The following UNC80 variants were observed in gnomAD, a reference collection of about 807,000 sequenced individuals.
UNC80 encodes the protein protein unc-80 homolog.
In UNC80, 164 loss-of-function variants were observed where a neutral mutation model predicts 384.6. The observed-to-expected ratio is 0.43, with a 90% CI of 0.38 to 0.49. The LOEUF (loss-of-function observed/expected upper bound fraction) is 0.49, where lower values mean the gene tolerates loss of function less well. UNC80 is among the 20% of genes least tolerant of loss of function. UNC80 has a pLI of 0.00. For synonymous variants in UNC80, 1,486 were observed against 1,527.8 expected, an observed-to-expected ratio of 0.97 and a Z score of 0.64; for missense variants, 3,330 against 4,143.0, an observed-to-expected ratio of 0.80 and a Z score of 5.39.
chr2:209,922,547 G>A (rs1045683598), intron 35 of UNC80, among the ~76,000 whole-genome samples, 164 bp downstream of exon 35: 1 of 152,014 alleles, frequency 6.6e-6, no homozygotes, highest in African/African-American at 2.4e-5. Flanking sequence ...AAAAAAAATT[G>A]TTGATTTACC....
intron 22 of UNC80, among the ~76,000 whole-genome samples, chr2:209,867,520 C>G (rs973817134): frequency 6.6e-6 from 1 of 152,016 alleles, no homozygotes; most frequent in Admixed American, 6.6e-5. Context: ...TGTTTCTCCC[C>G]CTCTGTCCTA....
Position 209,819,234 on chromosome 2 carries a change from C to T in UNC80, c.1935C>T (p.Val645=). ...TEHIDGTNNF[V]HKNGMLDLSV... ...ATATTGACGGGACCAATAACTTTGTCCACAAGAATGGAATGCTTGATCTTT... is the reference window on the plus strand; with the variant it reads ...ATATTGACGGGACCAATAACTTTGTTCACAAGAATGGAATGCTTGATCTTT... Residue 645 remains valine, a synonymous_variant, in exon 12 of 65, where the codon GTC becomes GTT. Transcript: ENST00000673920. The T allele has an allele frequency of 6.4e-7, 1 of 1,550,980 alleles. No individual in the cohort carries two copies. Among genetic ancestry groups the T allele is most frequent in the Non-Finnish European group, 8.7e-7 (1 of 1,146,596 alleles).
chr2:209,845,535 C>T lies in UNC80; in HGVS notation c.3454+3089C>T, dbSNP rs1334446429. On this transcript the variant is annotated intron_variant, in intron 21 of 64. Coordinates refer to ENST00000673920, the MANE Select transcript of UNC80 (RefSeq NM_001371986.1). ...CTTCGTATATTCTTTGTATTCCATT[C>T]ACAGATTCAAAAGATCTGATATGGA... Among the ~76,000 whole-genome samples the T allele has an allele frequency of 2.0e-5, 3 of 152,210 alleles. No individual in the cohort carries two copies. In the East Asian group the frequency reaches 5.8e-4, roughly 29 times the overall value.
chr2:209,982,912 TAAGAA>T lies in UNC80; in HGVS notation c.9257+596_9257+600del, dbSNP rs1461524617. 3 of 149,072 alleles carry T rather than the reference TAAGAA, an allele frequency of 2.0e-5. No individual in the cohort carries two copies. The East Asian group carries it at 6.0e-4, about 30-fold the overall frequency. 9.2% of individuals were successfully genotyped at this position (149,072 alleles called of 1,614,324 possible). ...AATATTTTGTGTGTTCTCTGTCTCT[TAAGAA>T]TATAAGTAAAAAAAAACTTCCCATG... On this transcript the variant is annotated intron_variant, in intron 60 of 64. Coordinates refer to ENST00000673920, the MANE Select transcript of UNC80 (RefSeq NM_001371986.1).
chr2:209,959,508 G>A lies in UNC80; in HGVS notation c.7606G>A (p.Glu2536Lys), dbSNP rs1559397422. The change falls in exon 51 of 65, where the codon GAG becomes AAG. Residue 2536 changes from glutamate to lysine, a missense_variant. Physicochemically the swap from Glu to Lys is moderately conservative, Grantham distance 56 (BLOSUM62 1). Around this residue, in one of 8 missense-constraint regions of UNC80, gnomAD observed 1,049 missense variants for 1,488.6 expected, o/e 0.70. Coordinates refer to ENST00000673920, the MANE Select transcript of UNC80 (RefSeq NM_001371986.1). The part of the protein sequence containing the change: ...HFIRENLHLL[E>K]EGQGIPREEL... ...TCCCAGGGAAAACCTTCATTTACTG[G>A]AGGAAGGGCAAGGCATTCCCAGAGA... is the stretch of plus-strand genomic sequence containing the variant. 6.4e-7 allele frequency: 1 copy of A among 1,551,654 alleles called. No individual in the cohort carries two copies. The highest frequency in any genetic ancestry group is 8.7e-7 in the Non-Finnish European group (1 of 1,146,984).
At chr2:209,880,120 G>A (rs754547193) in intron 24 of UNC80, among the ~76,000 whole-genome samples, 31 of 151,854 alleles carry the variant, frequency 2.0e-4, no homozygotes, top group South Asian at 4.2e-4. Flanking sequence ...TTCTGAACAC[G>A]TAAATAATAT....
chr2:209,833,834 A>G (rs992701306), intron 16 of UNC80, among the ~76,000 whole-genome samples, 168 bp from the exon 17 acceptor site: 1 of 152,212 alleles, frequency 6.6e-6, no homozygotes, highest in African/African-American at 2.4e-5. Flanking sequence ...CTATAGGAAC[A>G]TTGTAGAGGG....
intron 51 of UNC80, among the ~76,000 whole-genome samples, chr2:209,965,798 AAAT>A (rs978133627): frequency 2.0e-5 from 3 of 151,988 alleles, no homozygotes; most frequent in Admixed American, 6.6e-5. Flanking sequence ...TGTATTAGAA[AAAT>A]AATAATAATA....
intron 14 of UNC80, among the ~76,000 whole-genome samples, chr2:209,827,109 C>T (rs1332665164): frequency 1.3e-5 from 2 of 152,052 alleles, no homozygotes; most frequent in Middle Eastern, 3.4e-3. Flanking sequence ...AATTTTGAAA[C>T]TTGAAACTTT....
rs191830048 is a variant in UNC80 at position 209,994,077 on chromosome 2, G to A, written c.9521G>A (p.Arg3174Gln). 5 of 1,550,534 alleles carry A rather than the reference G, an allele frequency of 3.2e-6. No homozygotes were observed. Among genetic ancestry groups the A allele is most frequent in the South Asian group, 1.2e-5 (1 of 83,940 alleles). ...CCTCTACCTGCAGCGGATCAGAAAC[G>A]ATCTGTGACCTTCATTGAGGCTCAG... The part of the protein sequence containing the change: ...PKTKPSADQK[R>Q]SVTFIEAQPE... The change falls in exon 64 of 65, where the codon CGA (arginine) becomes CAA (glutamine). Residue 3174 changes from arginine (R) to glutamine (Q), a missense_variant. Coordinates refer to ENST00000673920, the MANE Select transcript of UNC80 (RefSeq NM_001371986.1).
intron 22 of UNC80, among the ~76,000 whole-genome samples, chr2:209,849,966 G>A (rs1397885622): frequency 1.3e-5 from 2 of 151,912 alleles, no homozygotes; most frequent in Non-Finnish European, 2.9e-5. Context: ...TGAGATATTA[G>A]ATATAAAGCC....
chr2:209,978,860 G>C (rs904946742), intron 59 of UNC80, among the ~76,000 whole-genome samples, 152 bp downstream of exon 59: 3 of 152,188 alleles, frequency 2.0e-5, no homozygotes, highest in Non-Finnish European at 4.4e-5. Context: ...CTGATTCCAT[G>C]ATTCCTAATG....
rs1399406719 is a variant in UNC80, at chr2:209,839,048, G to A, written c.3042-174G>A. Among the ~76,000 whole-genome samples the A allele has an allele frequency of 6.6e-6, 1 of 152,118 alleles. No individual in the cohort carries two copies. Among genetic ancestry groups the A allele is most frequent in the Non-Finnish European group, 1.5e-5 (1 of 68,024 alleles). Reference sequence around the variant, plus strand: ...GACTATTTTCAAGAAGAGCTCAGAAGATGAACCTTGATCTCTTTCCTCCCA... The same window carrying A: ...GACTATTTTCAAGAAGAGCTCAGAAAATGAACCTTGATCTCTTTCCTCCCA... On this transcript the variant is annotated intron_variant, in intron 18 of 64. Transcript: ENST00000673920. The surrounding 1 kb of genome is among the most constrained non-coding windows in gnomAD (Gnocchi z 4.1).
At chr2:209,888,343 T>C (rs1011792625) in intron 26 of UNC80, 83 bp downstream of exon 26, 7 of 1,395,102 alleles carry the variant, frequency 5.0e-6, no homozygotes, top group Middle Eastern at 1.8e-4. Context: ...AACTACAAAA[T>C]TGTGTACCCA....
At position 209,772,069 on chromosome 2, in the gene UNC80, C is replaced by T. The variant is rs1230428000; in HGVS notation, c.-4C>T. On this transcript the variant is annotated 5_prime_UTR_variant, in exon 1 of 65. Coordinates refer to ENST00000673920, the MANE Select transcript of UNC80 (RefSeq NM_001371986.1). Reference sequence around the variant, plus strand: ...CTGCAGTAGGACTCCCGGGAGCCACCATTATGGTGAAGAGGAAGAGCTCCG... The same window carrying T: ...CTGCAGTAGGACTCCCGGGAGCCACTATTATGGTGAAGAGGAAGAGCTCCG... 1.3e-6 allele frequency: 2 copies of T among 1,548,920 alleles called. No homozygotes were observed. The highest frequency in any genetic ancestry group is 2.4e-5 in the East Asian group (1 of 40,834).
rs375846737 is a variant in UNC80 at position 209,789,590 on chromosome 2, T to A, written c.783T>A (p.Asp261Glu). The part of the protein sequence containing the change: ...QSRTCESPNQ[D>E]ARHLEGLQVV... ...GGACCTGTGAATCACCAAATCAAGA[T>A]GCAAGACACTTAGAGGTTAGTTTAT... Residue 261 changes from aspartate to glutamate, a missense_variant, in exon 6 of 65, where the codon GAT becomes GAA. This residue lies in a region of UNC80 where 937 missense variants were observed against 1,026.8 expected (regional missense o/e 0.91). Transcript: ENST00000673920. The A allele has an allele frequency of 1.5e-5, 24 of 1,612,278 alleles. No individual in the cohort carries two copies. The African/African-American group carries it at 2.9e-4, about 20-fold the overall frequency.
At chr2:209,978,090 A>G (rs182584950) in intron 58 of UNC80, among the ~76,000 whole-genome samples, 31 of 152,332 alleles carry the variant, frequency 2.0e-4, no homozygotes, top group African/African-American at 7.0e-4. Flanking sequence ...GAGAATAAGA[A>G]CAGTTTTGAT....
At chr2:209,838,171 G>A (rs913569562) in intron 18 of UNC80, among the ~76,000 whole-genome samples, 18 of 151,934 alleles carry the variant, frequency 1.2e-4, no homozygotes, top group Non-Finnish European at 2.4e-4. Flanking sequence ...TTTGGATATC[G>A]TATTGCCACA....
At chr2:209,982,457 T>G in intron 60 of UNC80, 140 bp downstream of exon 60, 1 of 1,109,468 alleles carries the variant, frequency 9.0e-7, no homozygotes, top group Non-Finnish European at 1.2e-6. Flanking sequence ...CACAAAGGAT[T>G]TGTCAACTAG....
Sources: gnomAD v4.1 joint callset for allele counts (sites outside exome capture counted in the v4.1 genomes callset) on GRCh38, gnomAD v4.1.1 for gene constraint, gnomAD v4.1.1 regional missense constraint, Gnocchi (gnomAD v3.1) non-coding constraint, MANE v1.5 for transcripts, NCBI Gene and HGNC (gene_info 2026-07-23, HGNC 2026-07-21) for gene names.